The following LRRC40 variants were observed in gnomAD, a reference collection of about 807,000 sequenced individuals.
The protein encoded by LRRC40 is leucine rich repeat containing 40, also known as leucine-rich repeat-containing protein 40.
A neutral mutation model predicts 72.8 loss-of-function variants in LRRC40; 76 were observed. The ratio of observed to expected loss-of-function variants is 1.04; its 90% confidence interval spans 0.87 to 1.26. LRRC40 has a LOEUF of 1.26. LRRC40 is among the 50% of genes most tolerant of loss of function. LRRC40 has a pLI of 0.00. For synonymous variants in LRRC40, 243 were observed against 254.2 expected (o/e 0.96, Z 0.42); for missense variants, 684 against 698.9 (o/e 0.98, Z 0.24).
Position 70,175,965 on chromosome 1 carries a change from T to G in LRRC40, c.822A>C (p.Glu274Asp). Residue 274 changes from glutamate (E) to aspartate (D), a missense_variant, in exon 7 of 15, where the codon GAA becomes GAC. Transcript: ENST00000370952. ...CTGCCTCTAACATTTCAATCTGGTT[T>G]TCACCTACGTGCAATTCCTACAAAA... ...CSLLKELHVGENQIEMLEAEH... is the reference protein window; with the variant it reads ...CSLLKELHVGDNQIEMLEAEH... The G allele has an allele frequency of 6.3e-7, 1 of 1,575,738 alleles. No individual in the cohort carries two copies. The highest frequency in any genetic ancestry group is 2.0e-5 in the Admixed American group (1 of 50,354).
chr1:70,173,919 G>C (rs1668049864), intron 7 of LRRC40, among the ~76,000 whole-genome samples: 1 of 151,940 alleles, frequency 6.6e-6, no homozygotes, highest in South Asian at 2.1e-4. Flanking sequence ...GTCATGCTGA[G>C]ATTAATTTTA....
chr1:70,199,222 C>CACACAA (rs761150054), intron 1 of LRRC40, among the ~76,000 whole-genome samples: 16 of 119,134 alleles, frequency 1.3e-4, no homozygotes, highest in Admixed American at 3.7e-4. Context: ...GTCTCACACA[C>CACACAA]ACACACACAC....
chr1:70,146,288 G>T (rs369488220), intron 14 of LRRC40, among the ~76,000 whole-genome samples: 2 of 152,246 alleles, frequency 1.3e-5, no homozygotes, highest in East Asian at 3.9e-4. Flanking sequence ...GCCTCCCAAA[G>T]TACTGGGATT....
chr1:70,190,699 TA>T (rs1394784820), intron 1 of LRRC40, among the ~76,000 whole-genome samples: 1 of 70,194 alleles, frequency 1.4e-5, no homozygotes, highest in Non-Finnish European at 2.7e-5. Context: ...AAAAAAAACT[TA>T]AAAAAAGAAA....
intron 9 of LRRC40, among the ~76,000 whole-genome samples, chr1:70,170,303 T>G (rs1667973709): frequency 6.6e-6 from 1 of 152,154 alleles, no homozygotes; most frequent in Non-Finnish European, 1.5e-5. Flanking sequence ...TAATGTTACT[T>G]AACAATGAAA....
In LRRC40 at chr1:70,151,202, G is replaced by T. The variant is rs759296695; in HGVS notation, c.1443C>A (p.Asn481Lys). The T allele has an allele frequency of 2.0e-6, 3 of 1,536,182 alleles. No individual in the cohort carries two copies. The highest frequency in any genetic ancestry group is 1.1e-5 in the South Asian group (1 of 88,146). Residue 481 changes from asparagine (N) to lysine (K), a missense_variant, in exon 13 of 15, where the codon AAC becomes AAA. Physicochemically the swap from Asn to Lys is moderately conservative, Grantham distance 94. Transcript: ENST00000370952. ...LQKLTFLDLR[N>K]NFLNSLPEEM... ...CTTCTGGCAAAGAATTTAAAAAATT[G>T]TTCCTAAATTGGAAATCAAAACAGA...
At chr1:70,156,177 A>G (rs189132478) in intron 10 of LRRC40, among the ~76,000 whole-genome samples, 35 of 152,274 alleles carry the variant, frequency 2.3e-4, no homozygotes, top group African/African-American at 7.9e-4. Context: ...TTAAAAATCT[A>G]TAAGAGGAGT....
chr1:70,179,147 A>G (rs572115772), intron 5 of LRRC40, among the ~76,000 whole-genome samples, 154 bp from the exon 6 acceptor site: 84 of 152,332 alleles, frequency 5.5e-4, no homozygotes, highest in Non-Finnish European at 1.0e-3. Context: ...AATTAAATAA[A>G]TGTAAATTTT....
intron 10 of LRRC40, among the ~76,000 whole-genome samples, chr1:70,157,466 C>T (rs1404101378): frequency 6.6e-6 from 1 of 152,126 alleles, no homozygotes; most frequent in African/African-American, 2.4e-5. Context: ...TAAGATTATG[C>T]TTTTGTGATA....
chr1:70,185,818 A>G (rs1668347920), intron 3 of LRRC40, among the ~76,000 whole-genome samples: 1 of 152,210 alleles, frequency 6.6e-6, no homozygotes, highest in Non-Finnish European at 1.5e-5. Flanking sequence ...GTAATGGTTT[A>G]GAAGTCCCAA....
chr1:70,184,977 A>C, intron 3 of LRRC40, 63 bp from the exon 4 acceptor site: 7 of 1,393,908 alleles, frequency 5.0e-6, no homozygotes, highest in Non-Finnish European at 6.9e-6. Context: ...TTTATCAAAG[A>C]CATTTCTTGC....
rs772206688 is a variant in LRRC40, at chr1:70,161,089, AT to A, written c.1112-1652del. 2.1e-3 allele frequency among the ~76,000 whole-genome samples: 292 copies of A among 142,126 alleles called. 1 individual carries two copies. Among genetic ancestry groups the A allele is most frequent in the South Asian group, 0.013 (57 of 4,482 alleles). 93.2% of individuals were successfully genotyped at this position (142,126 alleles called of 152,430 possible). On this transcript the variant is annotated intron_variant, in intron 9 of 14. Transcript: ENST00000370952. Reference sequence around the variant, plus strand: ...TAAGCAAGAACGCAGATATCTCATTATTTTTTTTTTTTTTCTGAGAGGGAGT... The same window carrying A: ...TAAGCAAGAACGCAGATATCTCATTATTTTTTTTTTTTTCTGAGAGGGAGT...
At chr1:70,178,594 T>G (rs183836226) in intron 6 of LRRC40, among the ~76,000 whole-genome samples, 2 of 152,284 alleles carry the variant, frequency 1.3e-5, no homozygotes, top group Admixed American at 1.3e-4. Flanking sequence ...CTACTACTTC[T>G]CCAGTTATGA....
intron 9 of LRRC40, among the ~76,000 whole-genome samples, chr1:70,165,834 G>A (rs1193885417): frequency 2.0e-5 from 3 of 152,064 alleles, no homozygotes; most frequent in Non-Finnish European, 2.9e-5. Flanking sequence ...TCTGGCCTGG[G>A]CACGTAGTTT....
chr1:70,173,423 T>A, intron 9 of LRRC40, 42 bp downstream of exon 9: 1 of 1,426,036 alleles, frequency 7.0e-7, no homozygotes, highest in Non-Finnish European at 9.8e-7. Flanking sequence ...CTTCACCACT[T>A]TTTATGAATC....
chr1:70,204,189 T>C (rs1429108929), intron 1 of LRRC40, among the ~76,000 whole-genome samples: 1 of 152,242 alleles, frequency 6.6e-6, no homozygotes, highest in Non-Finnish European at 1.5e-5. Flanking sequence ...CTCATTCACT[T>C]ACTTATTGCT....
intron 7 of LRRC40, among the ~76,000 whole-genome samples, chr1:70,175,408 A>G (rs1371207433): frequency 1.3e-5 from 2 of 152,192 alleles, no homozygotes; most frequent in Non-Finnish European, 2.9e-5. Context: ...TCCCAGAATC[A>G]GTATTTTTTC....
chr1:70,151,151 T>G lies in LRRC40; in HGVS notation c.1494A>C (p.Gln498His). The G allele has an allele frequency of 6.3e-7, 1 of 1,584,178 alleles. No homozygotes were observed. The highest frequency in any genetic ancestry group is 8.7e-7 in the Non-Finnish European group (1 of 1,154,532). ...ACCTATTAAAGGAAAGATTGATCGT[T>G]TGCAGTCTTACCAGTGATTCCATTT... ...PEEMESLVRLQTINLSFNRFK... is the reference protein window; with the variant it reads ...PEEMESLVRLHTINLSFNRFK... The change falls in exon 13 of 15, where the codon CAA becomes CAC. Residue 498 changes from glutamine (Q) to histidine (H), a missense_variant. Gln to His is a conservative substitution (Grantham distance 24). Coordinates refer to ENST00000370952, the MANE Select transcript of LRRC40 (RefSeq NM_017768.5).
intron 9 of LRRC40, among the ~76,000 whole-genome samples, chr1:70,169,883 C>T (rs958636366): frequency 6.6e-6 from 1 of 151,912 alleles, no homozygotes; most frequent in Non-Finnish European, 1.5e-5. Flanking sequence ...ATAAATTCAC[C>T]CAAAAAACAA....
Sources: allele counts gnomAD v4.1 joint callset (sites outside exome capture counted in the v4.1 genomes callset), GRCh38; gene constraint gnomAD v4.1.1; transcripts MANE v1.5; gene names NCBI Gene and HGNC (gene_info 2026-07-23, HGNC 2026-07-21).